SHISA9: variants seen among roughly 807,000 people sequenced by gnomAD.
SHISA9 encodes the protein shisa family member 9.
In SHISA9, 13 loss-of-function variants were observed where a neutral mutation model predicts 38.0. The observed-to-expected ratio is 0.34, with a 90% CI of 0.22 to 0.54. The LOEUF is 0.54. Among genes scored for constraint, SHISA9 ranks in the 20% least tolerant of loss-of-function variants. The pLI, the probability that SHISA9 is intolerant of heterozygous loss-of-function variation, is 0.91. For synonymous variants in SHISA9, 275 were observed against 242.0 expected, an observed-to-expected ratio of 1.14 and a Z score of -1.27; for missense variants, 538 against 575.8, an observed-to-expected ratio of 0.93 and a Z score of 0.67.
chr16:13,264,076 A>T, the SHISA9 span, among the ~76,000 whole-genome samples: 1 of 151,894 alleles, frequency 6.6e-6, no homozygotes, highest in Non-Finnish European at 1.5e-5. Flanking sequence ...TCCTTCCCCA[A>T]CATAGTATGT....
At chr16:13,191,651 G>C (rs1049683791) in intron 2 of SHISA9, among the ~76,000 whole-genome samples, 1 of 152,150 alleles carries the variant, frequency 6.6e-6, no homozygotes, top group Admixed American at 6.5e-5. Context: ...AAAAATTTGA[G>C]TCCAAAATGG....
chr16:13,434,673 G>T, the SHISA9 span, among the ~76,000 whole-genome samples: 1 of 151,940 alleles, frequency 6.6e-6, no homozygotes, highest in African/African-American at 2.4e-5. Context: ...CCACCTCGGC[G>T]TCCCAAAGTG....
At chr16:12,905,376 T>C (rs376486453) in intron 1 of SHISA9, among the ~76,000 whole-genome samples, 13 of 152,110 alleles carry the variant, frequency 8.5e-5, no homozygotes, top group African/African-American at 3.1e-4. Flanking sequence ...ATGCAGATTC[T>C]TGAGTTCTAT....
At chr16:13,261,411 C>T in the SHISA9 span, among the ~76,000 whole-genome samples, 402 of 152,224 alleles carry the variant, frequency 2.6e-3, no homozygotes, top group Admixed American at 5.2e-3. Context: ...TGACAGCACT[C>T]ACATTTTGTG....
chr16:12,944,444 T>A (rs2071663497), intron 2 of SHISA9, among the ~76,000 whole-genome samples: 1 of 152,218 alleles, frequency 6.6e-6, no homozygotes, highest in Non-Finnish European at 1.5e-5. Flanking sequence ...TGATTGTTTC[T>A]TCCTGGAAGA....
intron 2 of SHISA9, among the ~76,000 whole-genome samples, chr16:12,967,802 A>G (rs908127901): frequency 2.0e-5 from 3 of 152,152 alleles, no homozygotes; most frequent in Admixed American, 1.3e-4. Flanking sequence ...AGTTATTGCA[A>G]TGTTGCTGGT....
chr16:13,452,541 TGACAACAAAAGTCTCCCAACTTACA>T, the SHISA9 span, among the ~76,000 whole-genome samples: 1 of 152,192 alleles, frequency 6.6e-6, no homozygotes, highest in Non-Finnish European at 1.5e-5. Flanking sequence ...GAGCATTATT[TGACAACAAAAGTCTCCCAACTTACA>T]GATCGGATGG....
chr16:13,430,792 G>A, the SHISA9 span, among the ~76,000 whole-genome samples: 6 of 151,812 alleles, frequency 4.0e-5, no homozygotes, highest in Admixed American at 2.0e-4. Context: ...GGTGGAACAT[G>A]CCTGTAGTCC....
At chr16:13,498,694 T>C in the SHISA9 span, among the ~76,000 whole-genome samples, 3 of 151,894 alleles carry the variant, frequency 2.0e-5, no homozygotes, top group African/African-American at 7.3e-5. Context: ...GAGGTGGAGG[T>C]TGCAGTGAGC....
intron 2 of SHISA9, among the ~76,000 whole-genome samples, chr16:13,093,007 G>A (rs2073790908): frequency 6.6e-6 from 1 of 152,156 alleles, no homozygotes; most frequent in Non-Finnish European, 1.5e-5. Context: ...TTAGAGATGT[G>A]ATATGAACCT....
downstream of SHISA9, among the ~76,000 whole-genome samples, chr16:13,244,566 T>A (rs570963611): frequency 6.6e-6 from 1 of 152,370 alleles, no homozygotes; most frequent in Non-Finnish European, 1.5e-5. Flanking sequence ...CATACATACA[T>A]AAAATACACA....
chr16:13,313,262 A>AAACAAAC, the SHISA9 span, among the ~76,000 whole-genome samples: 1 of 140,698 alleles, frequency 7.1e-6, no homozygotes, highest in African/African-American at 2.7e-5. Flanking sequence ...CTCAAAAAAA[A>AAACAAAC]AAAAAAAAAA....
the SHISA9 span, among the ~76,000 whole-genome samples, chr16:13,431,395 A>G: frequency 5.3e-5 from 8 of 152,360 alleles, no homozygotes; most frequent in East Asian, 1.5e-3. Context: ...ATAAACTTCC[A>G]GTTAAGGAAA....
intron 3 of SHISA9, among the ~76,000 whole-genome samples, chr16:13,210,496 G>C (rs954324097): frequency 6.6e-6 from 1 of 152,062 alleles, no homozygotes; most frequent in African/African-American, 2.4e-5. Context: ...TTGACATTTT[G>C]CCAGAATCAC....
chr16:13,465,333 T>C, the SHISA9 span, among the ~76,000 whole-genome samples: 1 of 152,154 alleles, frequency 6.6e-6, no homozygotes, highest in African/African-American at 2.4e-5. Flanking sequence ...CTAGAAATCA[T>C]CCCTCAAATG....
the SHISA9 span, among the ~76,000 whole-genome samples, chr16:13,371,787 G>A: frequency 6.6e-6 from 1 of 152,174 alleles, no homozygotes; most frequent in Admixed American, 6.5e-5. Context: ...CTAGACACAT[G>A]CCTGGAAGGC....
chr16:12,981,219 G>A (rs1245039699), intron 2 of SHISA9, among the ~76,000 whole-genome samples: 1 of 152,220 alleles, frequency 6.6e-6, no homozygotes, highest in Non-Finnish European at 1.5e-5. Flanking sequence ...TGAGTCCTAG[G>A]ATGGGGAACC....
At chr16:13,132,019 C>T (rs1165538845) in intron 2 of SHISA9, among the ~76,000 whole-genome samples, 1 of 152,208 alleles carries the variant, frequency 6.6e-6, no homozygotes, top group African/African-American at 2.4e-5. Context: ...CAAGTGCAAA[C>T]TCCTTGCTTT....
At chr16:13,539,342 TAA>T in the SHISA9 span, among the ~76,000 whole-genome samples, 486 of 36,736 alleles carry the variant, frequency 0.013, 38 homozygotes, top group East Asian at 0.1. Context: ...TATATATATA[TAA>T]AGATATATAT....
Sources: allele counts gnomAD v4.1 joint callset (sites outside exome capture counted in the v4.1 genomes callset), GRCh38; gene constraint gnomAD v4.1.1; transcripts MANE v1.5; gene names NCBI Gene and HGNC (gene_info 2026-07-23, HGNC 2026-07-21).